Variants in MITF observed in about 807,000 individuals in gnomAD.
MITF encodes melanocyte inducing transcription factor.
Under a neutral mutation model 60.5 loss-of-function variants are expected in MITF, and 17 were observed. The ratio of observed to expected loss-of-function variants is 0.28; its 90% CI spans 0.19 to 0.42. The LOEUF (loss-of-function observed/expected upper bound fraction) is 0.42, where lower values mean the gene tolerates loss of function less well. Among genes scored for constraint, MITF ranks in the 10% least tolerant of loss-of-function variants. MITF has a pLI of 1.00. For synonymous variants in MITF, 260 were observed against 248.5 expected (o/e 1.05, Z -0.43); for missense variants, 622 against 683.5 (o/e 0.91, Z 1.00).
Position 69,866,749 on chromosome 3 carries a change from A to G in MITF, c.105-12385A>G, listed in dbSNP as rs73115796. Among the ~76,000 whole-genome samples the G allele has an allele frequency of 6.8e-3, 1,041 of 152,244 alleles. 7 individuals carry two copies. The highest frequency in any genetic ancestry group is 0.01 in the Non-Finnish European group (714 of 68,020). On this transcript the variant is annotated intron_variant, in intron 1 of 9. Coordinates refer to ENST00000352241, the MANE Select transcript of MITF (RefSeq NM_001354604.2). ...AATAAAACAGGATTTTCTTCAGGAA[A>G]ACTGTGTGTTTAATACAGTAGTAAC...
chr3:69,849,166 A>G (rs937572129), intron 1 of MITF, among the ~76,000 whole-genome samples: 3 of 151,168 alleles, frequency 2.0e-5, no homozygotes, highest in African/African-American at 4.9e-5. Flanking sequence ...GGGTTTCACC[A>G]TTTTAGCCGG....
intron 1 of MITF, among the ~76,000 whole-genome samples, chr3:69,801,149 A>T (rs1418613527): frequency 2.0e-5 from 3 of 151,750 alleles, no homozygotes; most frequent in African/African-American, 7.3e-5. Flanking sequence ...AGATCTTTGA[A>T]ATCCTGTAGA....
intron 7 of MITF, 82 bp from the exon 8 acceptor site, chr3:69,956,373 T>C (rs1224172063): frequency 4.6e-6 from 5 of 1,095,418 alleles, no homozygotes; most frequent in African/African-American, 1.5e-5. Flanking sequence ...GAGAAGTTAA[T>C]ATGCACATGC....
At chr3:69,843,079 G>T (rs765110252) in intron 1 of MITF, among the ~76,000 whole-genome samples, 1 of 151,980 alleles carries the variant, frequency 6.6e-6, no homozygotes, top group African/African-American at 2.4e-5. Context: ...AGAATACCTC[G>T]CTCCAGGTCC....
chr3:69,925,822 A>G (rs1316606201), intron 2 of MITF, among the ~76,000 whole-genome samples: 1 of 152,186 alleles, frequency 6.6e-6, no homozygotes, highest in Non-Finnish European at 1.5e-5. Context: ...CTCATCATTG[A>G]GGTTCCACCC....
intron 1 of MITF, among the ~76,000 whole-genome samples, chr3:69,786,582 T>C (rs1425892442): frequency 6.6e-6 from 1 of 152,124 alleles, no homozygotes; most frequent in Non-Finnish European, 1.5e-5. Context: ...AGGAGACATA[T>C]CTTCAAGTTC....
intron 8 of MITF, among the ~76,000 whole-genome samples, chr3:69,958,918 A>G (rs1438512306): frequency 2.0e-5 from 3 of 151,208 alleles, no homozygotes; most frequent in Non-Finnish European, 2.9e-5. Flanking sequence ...ACACTCGTGA[A>G]TGGCAGCTAT....
intron 1 of MITF, among the ~76,000 whole-genome samples, chr3:69,741,832 G>A (rs1230805760): frequency 6.6e-6 from 1 of 152,216 alleles, no homozygotes; most frequent in African/African-American, 2.4e-5. Flanking sequence ...CATCTGTTGT[G>A]TGACTTAAAA....
At chr3:69,904,547 T>G (rs577692249) in intron 2 of MITF, among the ~76,000 whole-genome samples, 2 of 152,308 alleles carry the variant, frequency 1.3e-5, no homozygotes, top group African/African-American at 2.4e-5. Flanking sequence ...AGGTTTTCCC[T>G]CCTGGTCCCT....
In MITF at chr3:69,967,884, A is replaced by T. The variant is rs2066729725; in HGVS notation, c.*2636A>T. The T allele has an allele frequency of 8.6e-6, 2 of 233,310 alleles. No individual in the cohort carries two copies. The highest frequency in any genetic ancestry group is 1.1e-4 in the Admixed American group (2 of 17,768). The allele number at this position is 233,310 out of a possible 1,614,324, so 14.5% of individuals were successfully genotyped here. Reference sequence around the variant, plus strand: ...TTGGGCCTCTATATGGAGTGACCAAAATGCCAAAATTGTCCATCTGCCTCT... The same window carrying T: ...TTGGGCCTCTATATGGAGTGACCAATATGCCAAAATTGTCCATCTGCCTCT... On this transcript the variant is annotated 3_prime_UTR_variant, in exon 10 of 10. Coordinates refer to ENST00000352241, the MANE Select transcript of MITF (RefSeq NM_001354604.2).
At chr3:69,909,875 G>GTTTT in intron 2 of MITF, among the ~76,000 whole-genome samples, 1 of 152,292 alleles carries the variant, frequency 6.6e-6, no homozygotes, top group East Asian at 1.9e-4. Flanking sequence ...TGATGATGCA[G>GTTTT]TAGAAAAGAA....
chr3:69,847,855 C>T (rs943433271), intron 1 of MITF, among the ~76,000 whole-genome samples: 29 of 152,208 alleles, frequency 1.9e-4, no homozygotes, highest in Non-Finnish European at 1.5e-5. Flanking sequence ...AACAGGAATT[C>T]TTATTTTGAT....
intron 2 of MITF, among the ~76,000 whole-genome samples, chr3:69,895,069 T>G (rs1007541544): frequency 2.6e-5 from 4 of 152,194 alleles, no homozygotes; most frequent in African/African-American, 7.2e-5. Flanking sequence ...TAGCCTGGAC[T>G]TTCAGTGAAT....
intron 1 of MITF, among the ~76,000 whole-genome samples, chr3:69,796,592 C>T (rs1452342484): frequency 2.1e-5 from 3 of 145,410 alleles, no homozygotes; most frequent in African/African-American, 7.7e-5. Context: ...CTGCAAGCTC[C>T]GCTTCCCGGG....
chr3:69,778,591 T>C (rs1438055829), intron 1 of MITF, among the ~76,000 whole-genome samples: 1 of 152,192 alleles, frequency 6.6e-6, no homozygotes, highest in Non-Finnish European at 1.5e-5. Context: ...GCCGCTCCTC[T>C]GGGCATCACA....
At chr3:69,915,048 C>T (rs1276230002) in intron 2 of MITF, among the ~76,000 whole-genome samples, 1 of 152,140 alleles carries the variant, frequency 6.6e-6, no homozygotes, top group Non-Finnish European at 1.5e-5. Flanking sequence ...GAAATGTAAA[C>T]ACCTTACGAG....
chr3:69,845,438 C>CTTTTTT lies in MITF; in HGVS notation c.105-33693_105-33692insTTTTTT, dbSNP rs202135701. ...TCTTTTCTTTTCTTTTTTCTTTTTT[C>CTTTTTT]TTTCTTTTTTTTTTTTTTGCTATTT... On this transcript the variant is annotated intron_variant, in intron 1 of 9. Coordinates refer to ENST00000352241, the MANE Select transcript of MITF (RefSeq NM_001354604.2). Among the ~76,000 whole-genome samples, 10 of 133,674 alleles carry CTTTTTT rather than the reference C, an allele frequency of 7.5e-5. 2 individuals are homozygous for CTTTTTT. Among genetic ancestry groups the CTTTTTT allele is most frequent in the Non-Finnish European group, 1.1e-4 (7 of 61,378 alleles). The allele number at this position is 133,674 out of a possible 152,430, so 87.7% of individuals were successfully genotyped here.
intron 2 of MITF, among the ~76,000 whole-genome samples, chr3:69,918,941 A>T (rs1300300742): frequency 6.6e-6 from 1 of 152,210 alleles, no homozygotes; most frequent in Non-Finnish European, 1.5e-5. Context: ...GAAAAAGAAT[A>T]AAAAATTTTG....
At chr3:69,801,771 GA>G (rs1255903986) in intron 1 of MITF, among the ~76,000 whole-genome samples, 13 of 152,138 alleles carry the variant, frequency 8.5e-5, no homozygotes, top group Non-Finnish European at 1.8e-4. Context: ...AACTGCATTG[GA>G]AAATGGGCTA....
Sources: gnomAD v4.1 joint callset for allele counts (sites outside exome capture counted in the v4.1 genomes callset) on GRCh38, gnomAD v4.1.1 for gene constraint, MANE v1.5 for transcripts, NCBI Gene and HGNC (gene_info 2026-07-23, HGNC 2026-07-21) for gene names.